The following LANCL3 variants were observed in gnomAD, a reference collection of about 807,000 sequenced individuals.
LANCL3 encodes the protein LanC like family member 3, also known as lanC-like protein 3.
Under a neutral mutation model 26.5 loss-of-function variants are expected in LANCL3, and 19 were observed. The ratio of observed to expected loss-of-function variants is 0.72; its 90% confidence interval spans 0.50 to 1.05. The LOEUF (loss-of-function observed/expected upper bound fraction) is 1.05. Ranked by LOEUF, LANCL3 falls within the 50% of genes least tolerant of loss-of-function variation. LANCL3 has a pLI of 0.00. For synonymous variants in LANCL3, 160 were observed against 166.6 expected, an observed-to-expected ratio of 0.96 and a Z score of 0.30; for missense variants, 318 against 362.7, an observed-to-expected ratio of 0.88 and a Z score of 1.00.
At chrX:37,612,134 G>C (rs1399071793) in intron 1 of LANCL3, among the ~76,000 whole-genome samples, 1 of 110,609 alleles carries the variant, frequency 9.0e-6, no homozygotes, top group African/African-American at 3.3e-5. Flanking sequence ...TAGAGACGGG[G>C]TTTCACCATG....
intron 1 of LANCL3, among the ~76,000 whole-genome samples, chrX:37,623,927 A>G (rs782414423): frequency 2.7e-5 from 3 of 112,243 alleles, no homozygotes; most frequent in East Asian, 2.8e-4. Flanking sequence ...GTAGCTTTCT[A>G]TATCAATACA....
chrX:37,601,488 C>G (rs1407732572), intron 1 of LANCL3, among the ~76,000 whole-genome samples: 1 of 111,919 alleles, frequency 8.9e-6, no homozygotes, highest in Admixed American at 9.5e-5. Context: ...ATGCTAGATT[C>G]CTTTCCTGGA....
chrX:37,637,853 C>T (rs73631191), intron 1 of LANCL3, among the ~76,000 whole-genome samples: 3,594 of 108,841 alleles, frequency 0.033, 157 homozygotes, highest in African/African-American at 0.11. Context: ...CTCGGTGGAT[C>T]ATTGCAGCCA....
Position 37,659,718 on chromosome X carries a change from G to C in LANCL3, c.895+59G>C. The C allele has an allele frequency of 3.9e-6, 4 of 1,035,887 alleles. No individual in the cohort carries two copies. In the South Asian group the frequency reaches 7.8e-5, roughly 20 times the overall value. 85.4% of individuals were successfully genotyped at this position (1,035,887 alleles called of 1,213,427 possible). On this transcript the variant is annotated intron_variant, in intron 3 of 4. Transcript: ENST00000378619. Reference sequence around the variant, plus strand: ...TTTCATCTAGGTTAGCCACAGGGTGGTTCCTTTTCTGAGAAGTGAGGATAG... The same window carrying C: ...TTTCATCTAGGTTAGCCACAGGGTGCTTCCTTTTCTGAGAAGTGAGGATAG...
intron 1 of LANCL3, among the ~76,000 whole-genome samples, chrX:37,631,304 A>G (rs1556424256): frequency 9.0e-6 from 1 of 111,165 alleles, no homozygotes; most frequent in East Asian, 2.8e-4. Context: ...GATATCCCCT[A>G]TATCATTTTT....
intron 1 of LANCL3, among the ~76,000 whole-genome samples, chrX:37,590,832 C>T (rs185895331): frequency 2.3e-3 from 253 of 111,604 alleles, no homozygotes; most frequent in African/African-American, 7.6e-3. Flanking sequence ...AAACACACAT[C>T]GCTGGGCTCC....
intron 1 of LANCL3, among the ~76,000 whole-genome samples, chrX:37,624,576 G>A (rs1375590121): frequency 9.0e-6 from 1 of 111,693 alleles, no homozygotes; most frequent in Non-Finnish European, 1.9e-5. Context: ...TTAAATTAAT[G>A]TAAAAATAAC....
At chrX:37,639,544 T>A (rs1444618123) in intron 1 of LANCL3, among the ~76,000 whole-genome samples, 1 of 110,346 alleles carries the variant, frequency 9.1e-6, no homozygotes, top group Non-Finnish European at 1.9e-5. Context: ...GGCAAACTTA[T>A]AGTGAGGGTA....
chrX:37,672,392 T>C (rs1167595467), intron 4 of LANCL3, among the ~76,000 whole-genome samples: 3 of 112,058 alleles, frequency 2.7e-5, no homozygotes, highest in African/African-American at 9.7e-5. Context: ...TGAACAAAAG[T>C]TCTCTGAAAC....
intron 1 of LANCL3, among the ~76,000 whole-genome samples, chrX:37,580,163 T>C (rs1252212177): frequency 8.9e-6 from 1 of 111,758 alleles, no homozygotes; most frequent in Non-Finnish European, 1.9e-5. Context: ...TTGGGCAAGC[T>C]GGATTTTTGT....
intron 4 of LANCL3, among the ~76,000 whole-genome samples, chrX:37,673,433 G>A (rs1292979813): frequency 9.0e-6 from 1 of 110,631 alleles, no homozygotes; most frequent in African/African-American, 3.3e-5. Context: ...ATTTTCTTCT[G>A]CATTCAGTTT....
chrX:37,644,889 G>T (rs1925950274), intron 1 of LANCL3, among the ~76,000 whole-genome samples: 1 of 112,170 alleles, frequency 8.9e-6, no homozygotes, highest in African/African-American at 3.2e-5. Context: ...ATCAGTGTCG[G>T]GTGTGGACAG....
intron 1 of LANCL3, among the ~76,000 whole-genome samples, chrX:37,600,433 C>T (rs1327034250): frequency 1.8e-5 from 2 of 111,605 alleles, no homozygotes; most frequent in African/African-American, 6.5e-5. Context: ...ACCTCAGAGA[C>T]CTTAATAAAT....
chrX:37,645,651 G>A (rs782559699), intron 1 of LANCL3, among the ~76,000 whole-genome samples: 28 of 112,016 alleles, frequency 2.5e-4, no homozygotes, highest in Admixed American at 3.8e-4. Flanking sequence ...CTTGAATGTC[G>A]TTGGGAACTT....
At chrX:37,657,968 C>T (rs185211819) in intron 2 of LANCL3, among the ~76,000 whole-genome samples, 97 of 111,952 alleles carry the variant, frequency 8.7e-4, no homozygotes, top group Middle Eastern at 9.1e-3. Context: ...AATACATTGA[C>T]CCTAGTACTG....
At chrX:37,610,332 A>AT (rs1377697741) in intron 1 of LANCL3, among the ~76,000 whole-genome samples, 2 of 111,964 alleles carry the variant, frequency 1.8e-5, no homozygotes, top group Non-Finnish European at 3.8e-5. Context: ...CTAGCCTTGG[A>AT]TATCATAAAA....
chrX:37,673,208 T>C (rs1926722939), intron 4 of LANCL3, among the ~76,000 whole-genome samples: 1 of 111,757 alleles, frequency 8.9e-6, no homozygotes, highest in African/African-American at 3.2e-5. Context: ...TTTCTAATGC[T>C]TTTCCTTCCT....
intron 1 of LANCL3, among the ~76,000 whole-genome samples, chrX:37,603,640 T>C (rs1307400013): frequency 8.9e-6 from 1 of 112,680 alleles, no homozygotes; most frequent in African/African-American, 3.2e-5. Context: ...TGGCAAATCA[T>C]GCCTACATTC....
chrX:37,604,403 T>A (rs1288562678), intron 1 of LANCL3, among the ~76,000 whole-genome samples: 1 of 112,240 alleles, frequency 8.9e-6, no homozygotes, highest in African/African-American at 3.2e-5. Flanking sequence ...TCAGAGATAT[T>A]CCACCTTGGG....
Sources: gnomAD v4.1 joint callset for allele counts (sites outside exome capture counted in the v4.1 genomes callset) on GRCh38, gnomAD v4.1.1 for gene constraint, MANE v1.5 for transcripts, NCBI Gene and HGNC (gene_info 2026-07-23, HGNC 2026-07-21) for gene names.